CTNNA2: variants seen among roughly 807,000 people sequenced by gnomAD.
CTNNA2 encodes the protein catenin alpha 2, also known as catenin alpha-2.
A neutral mutation model predicts 101.0 loss-of-function variants in CTNNA2; 42 were observed. The observed-to-expected ratio is 0.42, with a 90% confidence interval of 0.32 to 0.54. The LOEUF (loss-of-function observed/expected upper bound fraction) is 0.54, where lower values mean the gene tolerates loss of function less well. Among genes scored for constraint, CTNNA2 ranks in the 20% least tolerant of loss-of-function variants. The pLI is 0.14. For missense variants in CTNNA2, 871 were observed against 1,223.1 expected (o/e 0.71, Z 4.29); for synonymous variants, 450 against 456.4 (o/e 0.99, Z 0.18).
chr2:80,430,389 A>G (rs553243946), intron 9 of CTNNA2, among the ~76,000 whole-genome samples: 125 of 152,264 alleles, frequency 8.2e-4, no homozygotes, highest in African/African-American at 2.9e-3. Context: ...AATTTTGCAG[A>G]TGAGAAACCT....
chr2:80,230,473 G>A (rs1323517516), intron 7 of CTNNA2, among the ~76,000 whole-genome samples: 2 of 151,918 alleles, frequency 1.3e-5, no homozygotes, highest in Non-Finnish European at 2.9e-5. Flanking sequence ...ATGCCCTCAT[G>A]TCTCTGGATT....
chr2:79,854,509 C>T (rs966730868), intron 3 of CTNNA2, among the ~76,000 whole-genome samples: 1 of 152,170 alleles, frequency 6.6e-6, no homozygotes, highest in Non-Finnish European at 1.5e-5. Flanking sequence ...GGGGTGGAGT[C>T]GAGATCTGAA....
chr2:80,140,306 A>G (rs1451286233), intron 7 of CTNNA2, among the ~76,000 whole-genome samples: 1 of 152,146 alleles, frequency 6.6e-6, no homozygotes, highest in Non-Finnish European at 1.5e-5. Context: ...ACTTTTTATC[A>G]TTGCTACCAC....
At chr2:80,128,242 T>C (rs548735518) in intron 7 of CTNNA2, among the ~76,000 whole-genome samples, 1 of 152,298 alleles carries the variant, frequency 6.6e-6, no homozygotes, top group South Asian at 2.1e-4. Flanking sequence ...CGAAGCCTGG[T>C]GCTCTAATGG....
At chr2:79,651,164 C>A (rs1273963331) in intron 1 of CTNNA2, among the ~76,000 whole-genome samples, 1 of 152,174 alleles carries the variant, frequency 6.6e-6, no homozygotes, top group Non-Finnish European at 1.5e-5. Flanking sequence ...ATGTGTCACA[C>A]TGAGACCTAA....
intron 2 of CTNNA2, among the ~76,000 whole-genome samples, chr2:79,241,960 C>T (rs191539809): frequency 4.6e-5 from 7 of 151,966 alleles, no homozygotes; most frequent in African/African-American, 1.4e-4. Context: ...GGCTGGAGTG[C>T]AGTGGCGCGA....
At chr2:80,267,363 G>C (rs553359464) in intron 7 of CTNNA2, among the ~76,000 whole-genome samples, 3 of 152,158 alleles carry the variant, frequency 2.0e-5, no homozygotes, top group Non-Finnish European at 4.4e-5. Flanking sequence ...AAAAAGAAAG[G>C]GTTGAGAAAG....
intron 12 of CTNNA2, among the ~76,000 whole-genome samples, chr2:80,568,566 CGT>C (rs36104924): frequency 0.25 from 36,575 of 149,190 alleles, 4,699 homozygotes; most frequent in East Asian, 0.34. Context: ...TAATGGTGTG[CGT>C]GTGTGTGTGT....
chr2:79,889,199 CG>C (rs1684121736), intron 6 of CTNNA2, among the ~76,000 whole-genome samples: 1 of 152,092 alleles, frequency 6.6e-6, no homozygotes, highest in South Asian at 2.1e-4. Context: ...CACACACACA[CG>C]TGCAACAACT....
chr2:80,647,759 G>T lies in CTNNA2; in HGVS notation c.2749G>T (p.Val917Leu). The T allele has an allele frequency of 6.2e-7, 1 of 1,613,610 alleles. No homozygotes were observed. The highest frequency in any genetic ancestry group is 8.5e-7 in the Non-Finnish European group (1 of 1,179,624). The stretch of plus-strand genomic sequence containing the variant: ...GAAGGCTCCAGAGAAGAAGCCCCTT[G>T]TGAAGAGAGAAAAGCCTGAAGAATT... ...KMKAPEKKPLVKREKPEEFQT... is the reference protein window; with the variant it reads ...KMKAPEKKPLLKREKPEEFQT... Residue 917 changes from valine to leucine, a missense_variant, in exon 19 of 19, where the codon GTG becomes TTG. Val to Leu is a conservative substitution (Grantham distance 32). This residue lies in a region of CTNNA2 where 41 missense variants were observed against 45.1 expected (regional missense o/e 0.91). Coordinates refer to ENST00000402739, the MANE Select transcript of CTNNA2 (RefSeq NM_001282597.3).
At chr2:79,213,036 G>A (rs1359527557) in intron 2 of CTNNA2, among the ~76,000 whole-genome samples, 5 of 152,220 alleles carry the variant, frequency 3.3e-5, no homozygotes, top group Non-Finnish European at 5.9e-5. Context: ...GAATGGGCCT[G>A]TGAGGCTGGA....
chr2:80,137,859 T>C (rs2148904486), intron 7 of CTNNA2, among the ~76,000 whole-genome samples: 1 of 152,152 alleles, frequency 6.6e-6, no homozygotes, highest in South Asian at 2.1e-4. Flanking sequence ...GTATTGTGAA[T>C]AGAGTGTCTT....
chr2:80,429,934 T>C (rs1294194555), intron 9 of CTNNA2, among the ~76,000 whole-genome samples: 1 of 152,232 alleles, frequency 6.6e-6, no homozygotes, highest in Non-Finnish European at 1.5e-5. Context: ...ATGCACATAA[T>C]GTAAATACTA....
intron 11 of CTNNA2, among the ~76,000 whole-genome samples, chr2:80,554,976 C>T (rs1692896674): frequency 6.6e-6 from 1 of 152,088 alleles, no homozygotes; most frequent in Non-Finnish European, 1.5e-5. Flanking sequence ...CCCTCTATGC[C>T]TGCTTGATTT....
At chr2:79,427,692 T>A (rs1678607677) in intron 4 of CTNNA2, among the ~76,000 whole-genome samples, 1 of 151,982 alleles carries the variant, frequency 6.6e-6, no homozygotes, top group Admixed American at 6.6e-5. Context: ...TTTCAAATTT[T>A]TTCATAATAT....
chr2:80,299,983 T>C (rs1676095722), intron 7 of CTNNA2, among the ~76,000 whole-genome samples: 1 of 152,164 alleles, frequency 6.6e-6, no homozygotes, highest in African/African-American at 2.4e-5. Flanking sequence ...AAAAAAGGTA[T>C]GCCGTCTTCT....
At chr2:79,191,720 GA>G (rs1673873839) in intron 1 of CTNNA2, among the ~76,000 whole-genome samples, 2 of 152,128 alleles carry the variant, frequency 1.3e-5, no homozygotes, top group African/African-American at 2.4e-5. Context: ...ATACTTGGCT[GA>G]TAAGTTAGAT....
At chr2:79,899,065 G>C (rs914114747) in intron 6 of CTNNA2, among the ~76,000 whole-genome samples, 2 of 152,146 alleles carry the variant, frequency 1.3e-5, no homozygotes, top group Non-Finnish European at 2.9e-5. Flanking sequence ...AACTTAGTCA[G>C]CGGGTGGTAA....
chr2:79,927,988 T>TA (rs965210983), intron 7 of CTNNA2, among the ~76,000 whole-genome samples: 43 of 151,824 alleles, frequency 2.8e-4, no homozygotes, highest in African/African-American at 6.8e-4. Flanking sequence ...TTTTAAAAGT[T>TA]AAAAAAAAAT....
Sources: gnomAD v4.1 joint callset for allele counts (sites outside exome capture counted in the v4.1 genomes callset) on GRCh38, gnomAD v4.1.1 for gene constraint, gnomAD v4.1.1 regional missense constraint, MANE v1.5 for transcripts, NCBI Gene and HGNC (gene_info 2026-07-23, HGNC 2026-07-21) for gene names.